KCNH7: variants seen among roughly 807,000 people sequenced by gnomAD.
KCNH7 encodes voltage-gated inwardly rectifying potassium channel KCNH7.
A neutral mutation model predicts 120.8 loss-of-function variants in KCNH7; 49 were observed. The observed-to-expected ratio is 0.41, with a 90% CI of 0.32 to 0.51. The LOEUF is 0.51. Among genes scored for constraint, KCNH7 ranks in the 20% least tolerant of loss-of-function variants. The pLI, the probability that KCNH7 is intolerant of heterozygous loss-of-function variation, is 0.38. For synonymous variants in KCNH7, 547 were observed against 516.1 expected (o/e 1.06, Z -0.81); for missense variants, 1,097 against 1,446.6 (o/e 0.76, Z 3.92).
chr2:162,635,261 G>C (rs1450386747), intron 2 of KCNH7, among the ~76,000 whole-genome samples: 3 of 152,048 alleles, frequency 2.0e-5, no homozygotes, highest in Non-Finnish European at 2.9e-5. Flanking sequence ...AAATAGGTAA[G>C]ACACAGTTTG....
intron 2 of KCNH7, among the ~76,000 whole-genome samples, chr2:162,803,188 T>A (rs543618141): frequency 6.6e-6 from 1 of 151,896 alleles, no homozygotes; most frequent in South Asian, 2.1e-4. Flanking sequence ...CTCGATAGAC[T>A]CCTTCAGAAG....
chr2:162,437,286 A>G (rs1429190374), intron 7 of KCNH7, among the ~76,000 whole-genome samples: 1 of 152,152 alleles, frequency 6.6e-6, no homozygotes, highest in Admixed American at 6.5e-5. Flanking sequence ...ATTTATCATA[A>G]CTAGACTCTG....
At chr2:162,673,321 T>G (rs1250307947) in intron 2 of KCNH7, among the ~76,000 whole-genome samples, 4 of 152,092 alleles carry the variant, frequency 2.6e-5, no homozygotes, top group South Asian at 4.1e-4. Context: ...AAATCATATC[T>G]AGCAATGTAT....
intron 2 of KCNH7, among the ~76,000 whole-genome samples, chr2:162,815,310 G>A (rs748999130): frequency 1.3e-5 from 2 of 152,090 alleles, no homozygotes; most frequent in Non-Finnish European, 2.9e-5. Flanking sequence ...TAAGTAATCA[G>A]AGTAATATTA....
chr2:162,663,665 G>A (rs573332463), intron 2 of KCNH7, among the ~76,000 whole-genome samples: 2 of 151,994 alleles, frequency 1.3e-5, no homozygotes, highest in East Asian at 3.9e-4. Context: ...GTAGGGAAAA[G>A]CATTCTGAAT....
At chr2:162,748,226 T>C (rs1688383262) in intron 2 of KCNH7, among the ~76,000 whole-genome samples, 1 of 152,198 alleles carries the variant, frequency 6.6e-6, no homozygotes, top group Non-Finnish European at 1.5e-5. Flanking sequence ...GAACTCTTTG[T>C]ACCATAGGGT....
intron 6 of KCNH7, among the ~76,000 whole-genome samples, chr2:162,496,672 G>GC (rs1224023102): frequency 1.3e-5 from 2 of 152,094 alleles, no homozygotes; most frequent in Non-Finnish European, 2.9e-5. Context: ...AAAAAATCCT[G>GC]CATCAGTATT....
At chr2:162,640,559 G>A (rs1344201366) in intron 2 of KCNH7, among the ~76,000 whole-genome samples, 4 of 151,832 alleles carry the variant, frequency 2.6e-5, no homozygotes, top group Non-Finnish European at 4.4e-5. Context: ...AACTCAAAAT[G>A]TATCACAGGC....
Position 162,515,201 on chromosome 2 carries a change from A to AT in KCNH7, c.892+2528dup, listed in dbSNP as rs149455851. Among the ~76,000 whole-genome samples the AT allele has an allele frequency of 4.9e-3, 736 of 151,334 alleles. 7 individuals carry two copies. Among genetic ancestry groups the AT allele is most frequent in the African/African-American group, 0.015 (603 of 41,366 alleles). The stretch of plus-strand genomic sequence containing the variant: ...CTCTAGCATAATCTGTAAGAAAGTA[A>AT]TTTTTTTTTATAACAGCTTACTTTG... On this transcript the variant is annotated intron_variant, in intron 4 of 15. Coordinates refer to ENST00000332142, the MANE Select transcript of KCNH7 (RefSeq NM_033272.4).
intron 6 of KCNH7, among the ~76,000 whole-genome samples, chr2:162,456,627 C>CGAGG (rs1688972870): frequency 6.6e-6 from 1 of 151,900 alleles, no homozygotes; most frequent in African/African-American, 2.4e-5. Context: ...ACTATTATCA[C>CGAGG]GAGGGAGTCT....
chr2:162,469,043 C>T (rs1689404654), intron 6 of KCNH7, among the ~76,000 whole-genome samples: 1 of 152,096 alleles, frequency 6.6e-6, no homozygotes, highest in Non-Finnish European at 1.5e-5. Flanking sequence ...TTTGTAGAAG[C>T]AGGAATCTTG....
At chr2:162,777,800 G>C (rs1683303172) in intron 2 of KCNH7, among the ~76,000 whole-genome samples, 1 of 152,092 alleles carries the variant, frequency 6.6e-6, no homozygotes, top group Admixed American at 6.6e-5. Flanking sequence ...CCATAAGAAA[G>C]AGAATACTAT....
chr2:162,790,856 A>G (rs1234241844), intron 2 of KCNH7, among the ~76,000 whole-genome samples: 1 of 152,120 alleles, frequency 6.6e-6, no homozygotes, highest in African/African-American at 2.4e-5. Flanking sequence ...CATATATAAC[A>G]TATCCACAGT....
At chr2:162,768,272 C>G (rs1477770311) in intron 2 of KCNH7, among the ~76,000 whole-genome samples, 1 of 151,708 alleles carries the variant, frequency 6.6e-6, no homozygotes, top group African/African-American at 2.4e-5. Flanking sequence ...ATTGATTAAT[C>G]AAAACACAAC....
chr2:162,662,002 G>A (rs891322268), intron 2 of KCNH7, among the ~76,000 whole-genome samples: 13 of 152,132 alleles, frequency 8.5e-5, no homozygotes, highest in Admixed American at 2.6e-4. Flanking sequence ...AGTGGCTCAC[G>A]CCTCTAATCC....
intron 2 of KCNH7, among the ~76,000 whole-genome samples, chr2:162,549,740 GAATT>G (rs746019561): frequency 5.2e-4 from 79 of 152,132 alleles, no homozygotes; most frequent in Non-Finnish European, 9.3e-4. Flanking sequence ...AATAAGATAA[GAATT>G]AATTTCCTAG....
chr2:162,458,028 G>C (rs960441119), intron 6 of KCNH7, among the ~76,000 whole-genome samples: 1 of 151,896 alleles, frequency 6.6e-6, no homozygotes, highest in South Asian at 2.1e-4. Context: ...TTAAAATTAG[G>C]TAGTAGAATC....
chr2:162,444,308 C>A (rs185364720), intron 7 of KCNH7, among the ~76,000 whole-genome samples: 7 of 152,100 alleles, frequency 4.6e-5, no homozygotes, highest in African/African-American at 1.7e-4. Flanking sequence ...TGAAGGGTAC[C>A]TAACAAAAAA....
At chr2:162,786,623 A>C (rs559048101) in intron 2 of KCNH7, among the ~76,000 whole-genome samples, 1 of 152,362 alleles carries the variant, frequency 6.6e-6, no homozygotes, top group East Asian at 1.9e-4. Flanking sequence ...AAAGTATTTT[A>C]AAATTATGTC....
Sources: gnomAD v4.1 joint callset for allele counts (sites outside exome capture counted in the v4.1 genomes callset) on GRCh38, gnomAD v4.1.1 for gene constraint, MANE v1.5 for transcripts, NCBI Gene and HGNC (gene_info 2026-07-23, HGNC 2026-07-21) for gene names.